Variants in RNF20 observed in about 807,000 individuals in gnomAD.
RNF20 encodes ring finger protein 20, also known as E3 ubiquitin-protein ligase BRE1A.
Under a neutral mutation model 126.2 loss-of-function variants are expected in RNF20, and 84 were observed. The observed-to-expected ratio is 0.67, with a 90% confidence interval of 0.56 to 0.80. RNF20 has a LOEUF of 0.80. Ranked by LOEUF, RNF20 falls within the 30% of genes least tolerant of loss-of-function variation. RNF20 has a pLI of 0.00. For missense variants in RNF20, 869 were observed against 1,188.2 expected, an observed-to-expected ratio of 0.73 and a Z score of 3.95; for synonymous variants, 400 against 414.3, an observed-to-expected ratio of 0.97 and a Z score of 0.42.
At chr9:101,558,911 T>C (rs1827581863) in intron 16 of RNF20, among the ~76,000 whole-genome samples, 2 of 152,112 alleles carry the variant, frequency 1.3e-5, no homozygotes, top group Non-Finnish European at 1.5e-5. Context: ...TAATTAAGTT[T>C]CATCTATTTA....
At chr9:101,539,087 A>G (rs1827223386) in intron 2 of RNF20, among the ~76,000 whole-genome samples, 1 of 152,180 alleles carries the variant, frequency 6.6e-6, no homozygotes, top group African/African-American at 2.4e-5. Context: ...TTTCCATCTG[A>G]TGGCTTCTAT....
chr9:101,559,521 A>G (rs754523710), intron 16 of RNF20, among the ~76,000 whole-genome samples: 1 of 152,302 alleles, frequency 6.6e-6, no homozygotes, highest in Admixed American at 6.5e-5. Context: ...GATTCTACCC[A>G]TCCACGAGCA....
chr9:101,550,923 G>A (rs1248459933), intron 10 of RNF20, 138 bp downstream of exon 10: 2 of 782,244 alleles, frequency 2.6e-6, no homozygotes, highest in African/African-American at 3.5e-5. Context: ...ACTCTGGTAG[G>A]TACTGGGCAT....
chr9:101,540,678 G>A lies in RNF20; in HGVS notation c.445+41G>A, dbSNP rs551561548. 424 of 1,608,686 alleles carry A rather than the reference G, an allele frequency of 2.6e-4. 8 individuals are homozygous for A. The South Asian group carries it at 4.6e-3, about 17-fold the overall frequency. Reference sequence around the variant, plus strand: ...GGATTCTATCACTGCATGCTATCTGGGTTTTTAAAGTAGAGCTCTGCTTTG... The same window carrying A: ...GGATTCTATCACTGCATGCTATCTGAGTTTTTAAAGTAGAGCTCTGCTTTG... On this transcript the variant is annotated intron_variant, in intron 4 of 19. Transcript: ENST00000389120.
intron 10 of RNF20, 74 bp from the exon 11 acceptor site, chr9:101,551,610 G>A: frequency 1.0e-5 from 7 of 672,538 alleles, no homozygotes; most frequent in South Asian, 3.9e-5. Flanking sequence ...AATTTTCAGA[G>A]TAATCCATAG....
chr9:101,559,033 G>A lies in RNF20; in HGVS notation c.2382+1437G>A, dbSNP rs375109018. Among the ~76,000 whole-genome samples the A allele has an allele frequency of 4.6e-5, 7 of 152,238 alleles. No homozygotes were observed. In the South Asian group the frequency reaches 1.0e-3, roughly 23 times the overall value. On this transcript the variant is annotated intron_variant, in intron 16 of 19. Transcript: ENST00000389120. ...CTTTCTAGAATTTTTATGGTTTCAG[G>A]TCTTAGATTTAAGTCTTTGATCCAT... is the stretch of plus-strand genomic sequence containing the variant.
chr9:101,553,966 C>T, intron 13 of RNF20, 22 bp from the exon 14 acceptor site: 2 of 1,344,708 alleles, frequency 1.5e-6, no homozygotes, highest in East Asian at 2.3e-5. Flanking sequence ...TTGTTCCCCT[C>T]CCTCTACTAC....
Position 101,550,799 on chromosome 9 carries a change from C to T in RNF20, c.1272+14C>T, listed in dbSNP as rs1235226719. ...GAGCTTATTGAGGTAATAGCCTTGC[C>T]TTGTCTTTTGTATGTAAGCTTTCTT... On this transcript the variant is annotated intron_variant, in intron 10 of 19. Transcript: ENST00000389120. The T allele has an allele frequency of 2.5e-6, 4 of 1,613,010 alleles. No homozygotes were observed. The highest frequency in any genetic ancestry group is 1.1e-5 in the South Asian group (1 of 91,056).
At position 101,554,832 on chromosome 9, in the gene RNF20, A is replaced by G. The variant is rs1295629303; in HGVS notation, c.2158A>G (p.Met720Val). The G allele has an allele frequency of 7.6e-6, 11 of 1,442,180 alleles. No individual in the cohort carries two copies. The highest frequency in any genetic ancestry group is 1.0e-5 in the Non-Finnish European group (11 of 1,086,062). The allele number at this position is 1,442,180 out of a possible 1,614,324, so 89.3% of individuals were successfully genotyped here. The change falls in exon 15 of 20, where the codon ATG becomes GTG. Residue 720 changes from methionine to valine, a missense_variant. Met to Val is a conservative substitution (Grantham distance 21). Around this residue, in one of 8 missense-constraint regions of RNF20, gnomAD observed 30 missense variants for 75.2 expected, o/e 0.40. Coordinates refer to ENST00000389120, the MANE Select transcript of RNF20 (RefSeq NM_019592.7). ...QIEYLQKKLA[M>V]AKQEEEALLS... is the part of the protein sequence containing the mutation. ...AGAATACCTACAGAAGAAGCTAGCC[A>G]TGGCCAAGCAGGTGGACTCACTTTC...
intron 2 of RNF20, among the ~76,000 whole-genome samples, chr9:101,535,932 A>G (rs148268683): frequency 6.6e-6 from 1 of 152,312 alleles, no homozygotes; most frequent in East Asian, 1.9e-4. Flanking sequence ...CTGAGACCAG[A>G]TTGCCTGGAG....
intron 5 of RNF20, among the ~76,000 whole-genome samples, chr9:101,544,431 C>A (rs1327732347): frequency 6.6e-6 from 1 of 152,178 alleles, no homozygotes; most frequent in East Asian, 1.9e-4. Flanking sequence ...ATAGGCCAGG[C>A]ACGGTGGCTC....
At chr9:101,557,991 G>A (rs1392317971) in intron 16 of RNF20, among the ~76,000 whole-genome samples, 1 of 151,222 alleles carries the variant, frequency 6.6e-6, no homozygotes, top group African/African-American at 2.4e-5. Flanking sequence ...AGGTTAGGAG[G>A]TATGTGTGAT....
Position 101,561,206 on chromosome 9 carries a change from C to T in RNF20, c.2625C>T (p.Asp875=), listed in dbSNP as rs771653406. 4 of 1,613,692 alleles carry T rather than the reference C, an allele frequency of 2.5e-6. No individual in the cohort carries two copies. The highest frequency in any genetic ancestry group is 1.7e-4 in the Middle Eastern group (1 of 6,058). ...AGAACAGTGTTACCAAAGAAAAGGACATGTTCAATTTCAAACGAGCCCAGG... is the reference window on the plus strand; with the variant it reads ...AGAACAGTGTTACCAAAGAAAAGGATATGTTCAATTTCAAACGAGCCCAGG... The part of the protein sequence containing the change: ...IVENSVTKEK[D]MFNFKRAQED... Residue 875 remains aspartate (D), a synonymous_variant, in exon 18 of 20, where the codon GAC becomes GAT. Coordinates refer to ENST00000389120, the MANE Select transcript of RNF20 (RefSeq NM_019592.7).
chr9:101,547,661 A>G, intron 9 of RNF20, 143 bp downstream of exon 9: 1 of 996,008 alleles, frequency 1.0e-6, no homozygotes, highest in Non-Finnish European at 1.4e-6. Context: ...AAAACTCTTA[A>G]CAAATTAGGT....
Position 101,551,824 on chromosome 9 carries a change from A to T in RNF20, c.1408+5A>T. On this transcript the variant is annotated splice_donor_5th_base_variant and intron_variant, in intron 11 of 19. Coordinates refer to ENST00000389120, the MANE Select transcript of RNF20 (RefSeq NM_019592.7). The stretch of plus-strand genomic sequence containing the variant: ...TTGCTGCCAATGAACAAGCAGGTAT[A>T]ATGATTCTCACTCCATGCTGTAGTT... 6.2e-7 allele frequency: 1 copy of T among 1,602,466 alleles called. No homozygotes were observed. The highest frequency in any genetic ancestry group is 8.5e-7 in the Non-Finnish European group (1 of 1,175,900).
In RNF20 at chr9:101,562,580, T is replaced by C. The variant is rs777111697; in HGVS notation, c.*158T>C. 6 of 620,118 alleles carry C rather than the reference T, an allele frequency of 9.7e-6. No homozygotes were observed. Among genetic ancestry groups the C allele is most frequent in the African/African-American group, 1.9e-5 (1 of 54,048 alleles). 38.4% of individuals were successfully genotyped at this position (620,118 alleles called of 1,614,324 possible). ...CTTCCAGGCTCTCCTCTTCAGTAGCTGGATGACTTTAGCAGAAAGGACTGG... is the reference window on the plus strand; with the variant it reads ...CTTCCAGGCTCTCCTCTTCAGTAGCCGGATGACTTTAGCAGAAAGGACTGG... On this transcript the variant is annotated 3_prime_UTR_variant, in exon 20 of 20. Coordinates refer to ENST00000389120, the MANE Select transcript of RNF20 (RefSeq NM_019592.7).
chr9:101,540,668 A>T (rs1393520755), intron 4 of RNF20, 31 bp downstream of exon 4: 1 of 1,611,688 alleles, frequency 6.2e-7, no homozygotes, highest in Non-Finnish European at 8.5e-7. Context: ...CTATCACTGC[A>T]TGCTATCTGG....
intron 5 of RNF20, among the ~76,000 whole-genome samples, 188 bp downstream of exon 5, chr9:101,541,163 C>T (rs572318679): frequency 4.6e-5 from 7 of 152,270 alleles, no homozygotes; most frequent in Admixed American, 1.3e-4. Flanking sequence ...ATTGAATCCT[C>T]GAACTCAAGC....
chr9:101,554,995 C>T (rs1417923129), intron 15 of RNF20, 152 bp downstream of exon 15: 4 of 483,440 alleles, frequency 8.3e-6, no homozygotes, highest in African/African-American at 8.1e-5. Flanking sequence ...TTCTTACCTT[C>T]AAGTCTTTTA....
Sources: gnomAD v4.1 joint callset for allele counts (sites outside exome capture counted in the v4.1 genomes callset) on GRCh38, gnomAD v4.1.1 for gene constraint, gnomAD v4.1.1 regional missense constraint, MANE v1.5 for transcripts, NCBI Gene and HGNC (gene_info 2026-07-23, HGNC 2026-07-21) for gene names.